The following SPTBN1 variants were observed in gnomAD, a reference collection of about 807,000 sequenced individuals.
SPTBN1 encodes spectrin beta, non-erythrocytic 1, also known as spectrin beta chain, non-erythrocytic 1.
Under a neutral mutation model 266.4 loss-of-function variants are expected in SPTBN1, and 32 were observed. That is an observed-to-expected ratio of 0.12 (90% CI 0.09 to 0.16). The LOEUF (loss-of-function observed/expected upper bound fraction) is 0.16, where lower values mean the gene tolerates loss of function less well. Ranked by LOEUF, SPTBN1 falls within the 10% of genes least tolerant of loss-of-function variation. The pLI is 1.00. For synonymous variants in SPTBN1, 1,336 were observed against 1,162.2 expected (o/e 1.15, Z -3.04); for missense variants, 2,296 against 3,067.1 (o/e 0.75, Z 5.94).
intron 2 of SPTBN1, chr2:54,557,902 G>C: frequency 2.0e-6 from 2 of 984,578 alleles, no homozygotes; most frequent in Non-Finnish European, 2.4e-6. Context: ...GTGGCTCGCC[G>C]GGCCGCCGCC....
chr2:54,630,735 T>G (rs954269470), intron 15 of SPTBN1, 120 bp from the exon 16 acceptor site: 1 of 1,244,648 alleles, frequency 8.0e-7, no homozygotes, highest in African/African-American at 1.5e-5. Context: ...AAAAAGCATG[T>G]AGTCAAAGCA....
intron 32 of SPTBN1, chr2:54,661,538 T>C: frequency 4.1e-6 from 4 of 985,892 alleles, no homozygotes; most frequent in Non-Finnish European, 4.8e-6. Context: ...GATGGGTATA[T>C]AGATAGATGC....
At chr2:54,526,252 C>T in intron 1 of SPTBN1, 120 bp from the exon 2 acceptor site, 1 of 766,574 alleles carries the variant, frequency 1.3e-6, no homozygotes, top group Non-Finnish European at 2.0e-6. Flanking sequence ...CAGCATTGCT[C>T]CAGAAGACCT....
At chr2:54,483,799 C>A (rs879738162) in intron 1 of SPTBN1, among the ~76,000 whole-genome samples, 5 of 152,214 alleles carry the variant, frequency 3.3e-5, no homozygotes, top group African/African-American at 9.7e-5. Context: ...TCATTGTCTG[C>A]TGTTAAACCA....
chr2:54,641,504 G>C (rs12613059), intron 18 of SPTBN1, among the ~76,000 whole-genome samples: 6 of 152,206 alleles, frequency 3.9e-5, no homozygotes, highest in African/African-American at 7.2e-5. Context: ...TAGCTGCCCA[G>C]ATAACTGGAA....
At chr2:54,592,064 G>T (rs957376396) in intron 2 of SPTBN1, among the ~76,000 whole-genome samples, 1 of 152,194 alleles carries the variant, frequency 6.6e-6, no homozygotes, top group African/African-American at 2.4e-5. Context: ...TTACTCTGGA[G>T]GTTGAGGTGG....
chr2:54,488,344 G>A lies in SPTBN1; in HGVS notation c.-48+31826G>A, dbSNP rs75007823. On this transcript the variant is annotated intron_variant, in intron 1 of 35. Coordinates refer to ENST00000356805, the MANE Select transcript of SPTBN1 (RefSeq NM_003128.3). ...GGTAAGACGAGACCAAGGACCTTTCGGAGGTCCCTTGCACCCCTGAGAGTC... is the reference window on the plus strand; with the variant it reads ...GGTAAGACGAGACCAAGGACCTTTCAGAGGTCCCTTGCACCCCTGAGAGTC... Among the ~76,000 whole-genome samples, 989 of 152,214 alleles carry A rather than the reference G, an allele frequency of 6.5e-3. 17 individuals carry two copies. The highest frequency in any genetic ancestry group is 0.023 in the African/African-American group (950 of 41,520).
chr2:54,600,741 G>A (rs1214366511), intron 3 of SPTBN1, among the ~76,000 whole-genome samples: 1 of 148,142 alleles, frequency 6.8e-6, no homozygotes, highest in African/African-American at 2.5e-5. Flanking sequence ...GTGGAGTGGG[G>A]GAATGGTGTT....
intron 2 of SPTBN1, 93 bp from the exon 3 acceptor site, chr2:54,598,995 GACCT>G: frequency 6.9e-7 from 1 of 1,457,212 alleles, no homozygotes; most frequent in South Asian, 1.3e-5. Context: ...CAGTTTTGCT[GACCT>G]TCCTCTGGCT....
At chr2:54,459,612 A>C (rs890983331) in intron 1 of SPTBN1, among the ~76,000 whole-genome samples, 1 of 149,012 alleles carries the variant, frequency 6.7e-6, no homozygotes. Context: ...AATTTTTTTT[A>C]CGTGCAATGA....
At chr2:54,592,789 G>A (rs1558877541) in intron 2 of SPTBN1, among the ~76,000 whole-genome samples, 2 of 152,166 alleles carry the variant, frequency 1.3e-5, no homozygotes, top group Non-Finnish European at 2.9e-5. Context: ...ACAGGAGAAG[G>A]TGTAGCTATG....
intron 1 of SPTBN1, among the ~76,000 whole-genome samples, chr2:54,508,279 A>C (rs1573298886): frequency 6.6e-6 from 1 of 152,170 alleles, no homozygotes; most frequent in Admixed American, 6.5e-5. Context: ...AAAGGCCTCT[A>C]CCCATCCAGT....
intron 1 of SPTBN1, among the ~76,000 whole-genome samples, chr2:54,463,951 A>C (rs1277667994): frequency 6.6e-6 from 1 of 152,232 alleles, no homozygotes; most frequent in East Asian, 1.9e-4. Context: ...AGAAGAAATC[A>C]AGGAGGTCGA....
At chr2:54,577,934 T>G (rs1042820300) in intron 2 of SPTBN1, among the ~76,000 whole-genome samples, 15 of 74,776 alleles carry the variant, frequency 2.0e-4, no homozygotes, top group Middle Eastern at 0.014. Flanking sequence ...TTGCTGAGAC[T>G]CTCACTCTTC....
At chr2:54,505,021 C>A (rs976385836) in intron 1 of SPTBN1, among the ~76,000 whole-genome samples, 1 of 152,140 alleles carries the variant, frequency 6.6e-6, no homozygotes, top group Admixed American at 6.5e-5. Flanking sequence ...CTTGATATGA[C>A]AACACCCCAA....
intron 2 of SPTBN1, among the ~76,000 whole-genome samples, chr2:54,532,497 T>C (rs913988443): frequency 3.3e-5 from 5 of 152,232 alleles, no homozygotes; most frequent in Non-Finnish European, 7.3e-5. Context: ...TATATACTTA[T>C]TCCTAAAGTG....
chr2:54,515,368 C>T (rs1293306581), intron 1 of SPTBN1, among the ~76,000 whole-genome samples: 1 of 152,184 alleles, frequency 6.6e-6, no homozygotes, highest in Non-Finnish European at 1.5e-5. Flanking sequence ...TGCAATTCCC[C>T]TGTCTTGATA....
chr2:54,525,074 C>T (rs1670718820), intron 1 of SPTBN1, among the ~76,000 whole-genome samples: 1 of 152,126 alleles, frequency 6.6e-6, no homozygotes, highest in African/African-American at 2.4e-5. Context: ...GCATCTGGTC[C>T]AGCACAGAGT....
rs1423511594 is a variant in SPTBN1, at chr2:54,543,460, CATTCAAAAGGCA to C, written c.148+16895_148+16906del. Among the ~76,000 whole-genome samples, 236 of 152,256 alleles carry C rather than the reference CATTCAAAAGGCA, an allele frequency of 1.6e-3. No individual in the cohort carries two copies. The Middle Eastern group carries it at 0.024, about 15-fold the overall frequency. On this transcript the variant is annotated intron_variant, in intron 2 of 35. Transcript: ENST00000356805. Reference sequence around the variant, plus strand: ...GGAGAAGCCAAGGAGGAGGCAGGAACATTCAAAAGGCACATGTTCTGATGGCCTGACGACACT... The same window carrying C: ...GGAGAAGCCAAGGAGGAGGCAGGAACCATGTTCTGATGGCCTGACGACACT...
Sources: gnomAD v4.1 joint callset for allele counts (sites outside exome capture counted in the v4.1 genomes callset) on GRCh38, gnomAD v4.1.1 for gene constraint, MANE v1.5 for transcripts, NCBI Gene and HGNC (gene_info 2026-07-23, HGNC 2026-07-21) for gene names.